The following CHGB variants were observed in gnomAD, a reference collection of about 807,000 sequenced individuals.
CHGB encodes chromogranin B, also known as secretogranin-1.
Under a neutral mutation model 69.9 loss-of-function variants are expected in CHGB, and 46 were observed. The ratio of observed to expected loss-of-function variants is 0.66; its 90% CI spans 0.52 to 0.84. The LOEUF is 0.84. Ranked by LOEUF, CHGB falls within the 40% of genes least tolerant of loss-of-function variation. CHGB has a pLI of 0.00. For synonymous variants in CHGB, 312 were observed against 298.2 expected (o/e 1.05, Z -0.48); for missense variants, 796 against 822.2 (o/e 0.97, Z 0.39).
chr20:5,922,476 AC>A lies in CHGB; in HGVS notation c.333del (p.Asp111GlufsTer42), dbSNP rs1195238235. ...GAGGCAGGAGCCCCAGGGGAGGAGG[AC>A]ATCCAAGGCCCAACAAAGGCAGACA... ...RGEAGAPGEE[D>X]IQGPTKADTE... On this transcript the variant is annotated frameshift_variant, in exon 4 of 5. Coordinates refer to ENST00000378961, the MANE Select transcript of CHGB (RefSeq NM_001819.3). LOFTEE classifies it high-confidence loss of function. 1 of 1,613,458 alleles carries A rather than the reference AC, an allele frequency of 6.2e-7. No individual in the cohort carries two copies. The highest frequency in any genetic ancestry group is 8.5e-7 in the Non-Finnish European group (1 of 1,179,656).
intron 3 of CHGB, chr20:5,917,706 A>G (rs553377635): frequency 1.3e-5 from 2 of 152,308 alleles, no homozygotes; most frequent in Non-Finnish European, 2.9e-5. Flanking sequence ...TTACAAAACT[A>G]TGCAGTCTCT....
At chr20:5,918,162 A>AAAAAAAAAAAC (rs1568550373) in intron 3 of CHGB, among the ~76,000 whole-genome samples, 45 of 149,430 alleles carry the variant, frequency 3.0e-4, no homozygotes, top group African/African-American at 1.0e-3. Context: ...AAAAAAAAAA[A>AAAAAAAAAAAC]AAAAAAAAAC....
chr20:5,924,188 A>C (rs757280465), intron 4 of CHGB, 88 bp downstream of exon 4: 56 of 1,444,800 alleles, frequency 3.9e-5, no homozygotes, highest in Non-Finnish European at 5.1e-5. Context: ...CACGGGGAGA[A>C]ATTGGTGGGA....
At chr20:5,920,969 A>T (rs937253435) in intron 3 of CHGB, among the ~76,000 whole-genome samples, 1 of 152,250 alleles carries the variant, frequency 6.6e-6, no homozygotes, top group Non-Finnish European at 1.5e-5. Context: ...CATTTTGCAA[A>T]TATCATTTCA....
At chr20:5,911,819 TCTC>T (rs1042115253) in intron 1 of CHGB, 137 bp downstream of exon 1, 47 of 843,796 alleles carry the variant, frequency 5.6e-5, no homozygotes, top group African/African-American at 4.9e-4. Context: ...CTTCGTTTCT[TCTC>T]CTCCCTGGGT....
At chr20:5,922,180 T>G (rs940224575) in intron 3 of CHGB, among the ~76,000 whole-genome samples, 155 bp from the exon 4 acceptor site, 1 of 152,226 alleles carries the variant, frequency 6.6e-6, no homozygotes, top group Non-Finnish European at 1.5e-5. Flanking sequence ...TCATAGCATT[T>G]ACTTTCAAAA....
chr20:5,924,144 T>C (rs1486434969), intron 4 of CHGB, 44 bp downstream of exon 4: 5 of 1,513,988 alleles, frequency 3.3e-6, no homozygotes, highest in Non-Finnish European at 4.4e-6. Context: ...CTCTGGTCAA[T>C]GTTAGCACAT....
chr20:5,911,638 A>G lies in CHGB; in HGVS notation c.5A>G (p.Gln2Arg), dbSNP rs2088447011. 2 of 1,512,866 alleles carry G rather than the reference A, an allele frequency of 1.3e-6. No individual in the cohort carries two copies. Among genetic ancestry groups the G allele is most frequent in the African/African-American group, 1.4e-5 (1 of 69,066 alleles). 93.7% of individuals were successfully genotyped at this position (1,512,866 alleles called of 1,614,324 possible). ...CAGGGGCCGCCGAGCGGGGCCATGC[A>G]GCCAACGCTGCTTCTCAGCCTCCTG... M[Q>R]PTLLLSLLGA... is the part of the protein sequence containing the mutation. The change falls in exon 1 of 5, where the codon CAG (glutamine) becomes CGG (arginine). Residue 2 changes from glutamine (Q) to arginine (R), a missense_variant. By Grantham distance (43) the Gln-to-Arg change is conservative. This residue lies in a region of CHGB where 518 missense variants were observed against 506.3 expected (regional missense o/e 1.02). Coordinates refer to ENST00000378961, the MANE Select transcript of CHGB (RefSeq NM_001819.3).
intron 3 of CHGB, among the ~76,000 whole-genome samples, chr20:5,921,358 C>T (rs1298755018): frequency 6.6e-6 from 1 of 152,176 alleles, no homozygotes; most frequent in African/African-American, 2.4e-5. Flanking sequence ...AGACCCAGAG[C>T]TGTCAGTGGC....
intron 3 of CHGB, among the ~76,000 whole-genome samples, chr20:5,919,171 T>C (rs2088498629): frequency 6.6e-6 from 1 of 152,200 alleles, no homozygotes; most frequent in African/African-American, 2.4e-5. Flanking sequence ...CCACAGTTGC[T>C]TAGGAAAAGT....
intron 3 of CHGB, chr20:5,917,213 C>G: frequency 2.7e-6 from 1 of 377,152 alleles, no homozygotes; most frequent in East Asian, 5.3e-5. Flanking sequence ...TTCTTAAATT[C>G]CTTAGTTCCA....
Position 5,924,115 on chromosome 20 carries a change from T to C in CHGB, c.1956+15T>C, listed in dbSNP as rs766614752. 5.9e-5 allele frequency: 93 copies of C among 1,575,146 alleles called. 1 individual carries two copies. In the Admixed American group the frequency reaches 1.3e-3, roughly 23 times the overall value. On this transcript the variant is annotated intron_variant, in intron 4 of 4. Coordinates refer to ENST00000378961, the MANE Select transcript of CHGB (RefSeq NM_001819.3). ...CAGAGGACGAGGTATGGTCTAGGGCTTCTGTTTAAAAGTACTTACTCTGGT... is the reference window on the plus strand; with the variant it reads ...CAGAGGACGAGGTATGGTCTAGGGCCTCTGTTTAAAAGTACTTACTCTGGT...
chr20:5,924,825 G>A, intron 4 of CHGB, 147 bp from the exon 5 acceptor site: 1 of 555,336 alleles, frequency 1.8e-6, no homozygotes, highest in Non-Finnish European at 3.2e-6. Context: ...CACTGGTCAG[G>A]GGACCACACT....
chr20:5,924,181 G>C (rs530704140), intron 4 of CHGB, 81 bp downstream of exon 4: 2 of 1,449,204 alleles, frequency 1.4e-6, no homozygotes, highest in Non-Finnish European at 1.8e-6. Context: ...CGATATTCAC[G>C]GGGAGAAATT....
chr20:5,918,038 TCAGGAGGCCGAGA>T (rs1298162586), intron 3 of CHGB: 4 of 145,054 alleles, frequency 2.8e-5, no homozygotes, highest in African/African-American at 7.7e-5. Flanking sequence ...ATCCCACTAC[TCAGGAGGCCGAGA>T]CAGGAGAATT....
intron 3 of CHGB, among the ~76,000 whole-genome samples, chr20:5,920,565 T>C (rs1309899717): frequency 2.0e-5 from 3 of 152,238 alleles, no homozygotes; most frequent in Admixed American, 2.0e-4. Context: ...TCTCCTTTCT[T>C]AGGGCACTAA....
chr20:5,916,705 C>A, intron 2 of CHGB, 121 bp from the exon 3 acceptor site: 3 of 872,012 alleles, frequency 3.4e-6, no homozygotes, highest in South Asian at 1.4e-5. Context: ...TATCTCCGCC[C>A]TAAGAATACT....
Position 5,925,150 on chromosome 20 carries a change from G to T in CHGB, c.*101G>T. The T allele has an allele frequency of 1.5e-6, 1 of 689,380 alleles. No homozygotes were observed. The highest frequency in any genetic ancestry group is 1.8e-5 in the South Asian group (1 of 54,478). The allele number at this position is 689,380 out of a possible 1,614,324, so 42.7% of individuals were successfully genotyped here. A position where few individuals can be genotyped will look rare whatever the true frequency, so the allele number is the denominator to read the frequency against. On this transcript the variant is annotated 3_prime_UTR_variant, in exon 5 of 5. Transcript: ENST00000378961. ...CCATTTATCTACCCAAGGGCAGAAA[G>T]TAGAACTTACTATTCATTAAATGTT...
chr20:5,923,961 A>G lies in CHGB; in HGVS notation c.1817A>G (p.Gln606Arg). 6.2e-7 allele frequency: 1 copy of G among 1,614,104 alleles called. No individual in the cohort carries two copies. The highest frequency in any genetic ancestry group is 8.5e-7 in the Non-Finnish European group (1 of 1,179,988). Residue 606 changes from glutamine to arginine, a missense_variant, in exon 4 of 5, where the codon CAA becomes CGA. Around this residue, in one of 3 missense-constraint regions of CHGB, gnomAD observed 274 missense variants for 298.9 expected, o/e 0.92. Transcript: ENST00000378961. ...AAAAGGCAATATGACAGGGTGGCCC[A>G]ACTGGACCAGCTCCTTCACTACAGG... is the stretch of plus-strand genomic sequence containing the variant. ...DLKRQYDRVA[Q>R]LDQLLHYRKK...
Sources: allele counts gnomAD v4.1 joint callset (sites outside exome capture counted in the v4.1 genomes callset), GRCh38; gene constraint gnomAD v4.1.1; regional missense constraint gnomAD v4.1.1; transcripts MANE v1.5; gene names NCBI Gene and HGNC (gene_info 2026-07-23, HGNC 2026-07-21).